The following STK3 variants were observed in gnomAD, a reference collection of about 807,000 sequenced individuals.
The protein encoded by STK3 is serine/threonine-protein kinase 3.
In STK3, 41 loss-of-function variants were observed where a neutral mutation model predicts 58.0. That is an observed-to-expected ratio of 0.71 (90% CI 0.55 to 0.92). STK3 has a LOEUF of 0.92. Among genes scored for constraint, STK3 ranks in the 40% least tolerant of loss-of-function variants. The pLI is 0.00. For missense variants in STK3, 479 were observed against 602.7 expected (o/e 0.79, Z 2.15); for synonymous variants, 170 against 191.0 (o/e 0.89, Z 0.91).
intron 3 of STK3, among the ~76,000 whole-genome samples, chr8:98,749,746 T>C (rs1186088358): frequency 1.3e-5 from 2 of 152,114 alleles, no homozygotes; most frequent in Non-Finnish European, 2.9e-5. Flanking sequence ...GGATTTTGCA[T>C]TCAGTCAAAT....
intron 3 of STK3, among the ~76,000 whole-genome samples, chr8:98,830,969 C>CA (rs760622434): frequency 0.39 from 22,761 of 59,020 alleles, 3,525 homozygotes; most frequent in Non-Finnish European, 0.43. Context: ...GACTCTGTCT[C>CA]AAAAAAAAAA....
At chr8:98,591,139 A>G (rs1242172571) in intron 7 of STK3, among the ~76,000 whole-genome samples, 2 of 152,152 alleles carry the variant, frequency 1.3e-5, no homozygotes, top group African/African-American at 4.8e-5. Context: ...GATATTTGAT[A>G]TTTTCCCAGG....
intron 1 of STK3, among the ~76,000 whole-genome samples, chr8:98,387,722 CA>C (rs1817804002): frequency 6.6e-6 from 1 of 152,150 alleles, no homozygotes; most frequent in Non-Finnish European, 1.5e-5. Flanking sequence ...GCCTGGGCAA[CA>C]AGAGCGAAAC....
At chr8:98,645,311 G>C (rs907345239) in intron 6 of STK3, among the ~76,000 whole-genome samples, 9 of 152,136 alleles carry the variant, frequency 5.9e-5, no homozygotes, top group African/African-American at 2.2e-4. Flanking sequence ...TAAACATACA[G>C]GGACTCCAAT....
At chr8:98,437,280 T>C (rs951970282) in intron 1 of STK3, 1 of 152,246 alleles carries the variant, frequency 6.6e-6, no homozygotes, top group Non-Finnish European at 1.5e-5. Context: ...GAAGAGACAT[T>C]AGAGCTTTGT....
At position 98,565,985 on chromosome 8, in the gene STK3, C is replaced by T. The variant is rs141768702; in HGVS notation, c.948+13679G>A. Reference sequence around the variant, plus strand: ...ATATTTAACAACACTTAAACTAACACAAAAACTTTGATATTGGATTAACCT... The same window carrying T: ...ATATTTAACAACACTTAAACTAACATAAAAACTTTGATATTGGATTAACCT... On this transcript the variant is annotated intron_variant, in intron 8 of 10. Transcript: ENST00000419617. Among the ~76,000 whole-genome samples the T allele has an allele frequency of 1.2e-4, 19 of 152,238 alleles. No homozygotes were observed. The East Asian group carries it at 2.1e-3, about 17-fold the overall frequency.
intron 3 of STK3, among the ~76,000 whole-genome samples, chr8:98,847,148 G>A (rs1836238486): frequency 6.6e-6 from 1 of 152,170 alleles, no homozygotes; most frequent in African/African-American, 2.4e-5. Context: ...AAAACTGCTT[G>A]AAGCCAAGAG....
At chr8:98,530,313 G>A (rs768959973) in intron 9 of STK3, among the ~76,000 whole-genome samples, 1 of 151,998 alleles carries the variant, frequency 6.6e-6, no homozygotes, top group African/African-American at 2.4e-5. Context: ...CCTCCTCCCA[G>A]CCTCCACTCT....
At chr8:98,464,491 C>A (rs1820268313) in intron 10 of STK3, among the ~76,000 whole-genome samples, 1 of 134,406 alleles carries the variant, frequency 7.4e-6, no homozygotes, top group Non-Finnish European at 1.5e-5. Context: ...GGCAAGGGGC[C>A]TTTTGCCCAT....
At chr8:98,791,190 A>G (rs1287384698) in intron 1 of STK3, among the ~76,000 whole-genome samples, 1 of 152,230 alleles carries the variant, frequency 6.6e-6, no homozygotes, top group African/African-American at 2.4e-5. Flanking sequence ...CAAGCTGAGA[A>G]TCAAATCAAG....
chr8:98,648,846 G>C (rs1820626584), intron 6 of STK3, among the ~76,000 whole-genome samples: 1 of 150,938 alleles, frequency 6.6e-6, no homozygotes, highest in Non-Finnish European at 1.5e-5. Context: ...AGCCAAGATT[G>C]TGCCACAGCA....
At position 98,372,608 on chromosome 8, in the gene STK3, G is replaced by A. The variant is rs917042756; in HGVS notation, n.112-930C>T. On this transcript the variant is annotated intron_variant and non_coding_transcript_variant, in intron 2 of 2. Coordinates refer to the STK3 transcript ENST00000518704. ...ACTGACGTGAGAGATAATACAAACA[G>A]CTTTCTGTTAACATAAGCACCAACA... is the stretch of plus-strand genomic sequence containing the variant. Among the ~76,000 whole-genome samples, 3 of 150,896 alleles carry A rather than the reference G, an allele frequency of 2.0e-5. 1 individual carries two copies. Among genetic ancestry groups the A allele is most frequent in the Admixed American group, 2.0e-4 (3 of 15,114 alleles).
At chr8:98,867,751 T>C (rs1837198180) in intron 3 of STK3, among the ~76,000 whole-genome samples, 1 of 152,190 alleles carries the variant, frequency 6.6e-6, no homozygotes, top group African/African-American at 2.4e-5. Flanking sequence ...GCCCCAGTTT[T>C]CTCATTTGTG....
chr8:98,914,461 TACACACAC>T (rs34753292), intron 1 of STK3, among the ~76,000 whole-genome samples: 61 of 143,604 alleles, frequency 4.2e-4, no homozygotes, highest in Middle Eastern at 3.6e-3. Context: ...AGCACATGCC[TACACACAC>T]ACACACACAC....
chr8:98,747,650 C>A (rs1269040077), intron 4 of STK3, among the ~76,000 whole-genome samples: 3 of 152,112 alleles, frequency 2.0e-5, no homozygotes, highest in Non-Finnish European at 2.9e-5. Flanking sequence ...AGAAAAATGT[C>A]CTTGCACTAG....
At chr8:98,348,826 C>G in the STK3 span, among the ~76,000 whole-genome samples, 4 of 152,178 alleles carry the variant, frequency 2.6e-5, no homozygotes, top group Non-Finnish European at 5.9e-5. Flanking sequence ...ATGGTACAGT[C>G]ACTTTGGAAG....
intron 1 of STK3, among the ~76,000 whole-genome samples, chr8:98,804,211 A>C (rs924912809): frequency 1.3e-5 from 2 of 152,150 alleles, no homozygotes; most frequent in African/African-American, 4.8e-5. Context: ...CATTTTGGTC[A>C]GGCTAGTCTT....
At chr8:98,818,191 A>G (rs1834668380) in intron 1 of STK3, among the ~76,000 whole-genome samples, 1 of 152,190 alleles carries the variant, frequency 6.6e-6, no homozygotes, top group Admixed American at 6.5e-5. Flanking sequence ...GCCTCTGCCA[A>G]CTGCCCTATT....
rs770213326 is a variant in STK3, at chr8:98,700,458, C to T, written c.684+6009G>A. 3.3e-5 allele frequency among the ~76,000 whole-genome samples: 5 copies of T among 152,344 alleles called. No individual in the cohort carries two copies. In the South Asian group the frequency reaches 6.2e-4, roughly 19 times the overall value. On this transcript the variant is annotated intron_variant, in intron 6 of 10. Coordinates refer to ENST00000419617, the MANE Select transcript of STK3 (RefSeq NM_006281.4). ...TGCAGAAATCACCCGTCTTCTGCGT[C>T]GCTCACGCTGGGAGCTGTAGACCAG...
Sources: allele counts gnomAD v4.1 joint callset (sites outside exome capture counted in the v4.1 genomes callset), GRCh38; gene constraint gnomAD v4.1.1; transcripts MANE v1.5; gene names NCBI Gene and HGNC (gene_info 2026-07-23, HGNC 2026-07-21).